OS9: variants seen among roughly 807,000 people sequenced by gnomAD.
The protein encoded by OS9 is OS9 endoplasmic reticulum lectin, also known as protein OS-9.
OS9 carries 58 observed loss-of-function variants against 84.7 expected under a neutral mutation model. That is an observed-to-expected ratio of 0.68 (90% CI 0.55 to 0.85). The LOEUF (loss-of-function observed/expected upper bound fraction) is 0.85, where lower values mean the gene tolerates loss of function less well. Ranked by LOEUF, OS9 falls within the 40% of genes least tolerant of loss-of-function variation. OS9 has a pLI of 0.00. For missense variants in OS9, 760 were observed against 850.9 expected (o/e 0.89, Z 1.33); for synonymous variants, 278 against 320.8 (o/e 0.87, Z 1.43).
chr12:57,705,360 T>C (rs1268005176), intron 5 of OS9, among the ~76,000 whole-genome samples: 1 of 152,192 alleles, frequency 6.6e-6, no homozygotes. Context: ...TTGTCCTATA[T>C]TTTAGTAAAG....
intron 1 of OS9, 88 bp from the exon 2 acceptor site, chr12:57,694,662 C>T: frequency 7.4e-7 from 1 of 1,343,958 alleles, no homozygotes; most frequent in Non-Finnish European, 1.1e-6. Context: ...CTGATCTCTT[C>T]CCCAGGGTTT....
rs1224059943 is a variant in OS9 at position 57,694,170 on chromosome 12, G to T, written c.9G>T (p.Ala3=). ...AAGAAGGGGAACGAAAGATGGCGGC[G>T]GAAACGCTGCTGTCCAGTTTGTTAG... MA[A]ETLLSSLLGL... The change falls in exon 1 of 15, where the codon GCG becomes GCT. Residue 3 remains alanine (A), a synonymous_variant. Transcript: ENST00000315970. 1 of 1,614,124 alleles carries T rather than the reference G, an allele frequency of 6.2e-7. No individual in the cohort carries two copies. Among genetic ancestry groups the T allele is most frequent in the Non-Finnish European group, 8.5e-7 (1 of 1,179,996 alleles).
chr12:57,715,687 A>G (rs1213822019), intron 5 of OS9, 73 bp from the exon 6 acceptor site: 1 of 1,098,860 alleles, frequency 9.1e-7, no homozygotes, highest in African/African-American at 1.6e-5. Flanking sequence ...TGCTTAGTAA[A>G]AGACACCTGC....
At position 57,719,068 on chromosome 12, in the gene OS9, A is replaced by C. The variant is rs751534638; in HGVS notation, c.1486A>C (p.Thr496Pro). 6.2e-7 allele frequency: 1 copy of C among 1,613,636 alleles called. No homozygotes were observed. Among genetic ancestry groups the C allele is most frequent in the African/African-American group, 1.3e-5 (1 of 74,790 alleles). The change falls in exon 12 of 15, where the codon ACT becomes CCT. Residue 496 changes from threonine (T) to proline (P), a missense_variant. Coordinates refer to ENST00000315970, the MANE Select transcript of OS9 (RefSeq NM_006812.4). ...TCGGGCAATGCTGGCTCTCACATCCACTCTCAACAAACTCATCAAAAGACT... is the reference window on the plus strand; with the variant it reads ...TCGGGCAATGCTGGCTCTCACATCCCCTCTCAACAAACTCATCAAAAGACT... ...RDRAMLALTS[T>P]LNKLIKRLEE...
At chr12:57,718,500 A>G in intron 11 of OS9, 79 bp downstream of exon 11, 2 of 1,465,916 alleles carry the variant, frequency 1.4e-6, no homozygotes, top group Non-Finnish European at 9.3e-7. Flanking sequence ...GCTAAAAGAA[A>G]CAGAGGGCAC....
intron 5 of OS9, among the ~76,000 whole-genome samples, chr12:57,700,099 GAAAA>G (rs376559244): frequency 6.7e-6 from 1 of 149,200 alleles, no homozygotes; most frequent in Non-Finnish European, 1.5e-5. Flanking sequence ...TCTCAAAAAA[GAAAA>G]AAAAGAAAAG....
chr12:57,720,285 G>T (rs755469407), intron 13 of OS9, 22 bp downstream of exon 13: 1 of 1,613,356 alleles, frequency 6.2e-7, no homozygotes, highest in Non-Finnish European at 8.5e-7. Context: ...AGGGCGGCTG[G>T]ACCCAGTGCT....
chr12:57,714,397 G>T (rs1181622110), intron 5 of OS9, among the ~76,000 whole-genome samples: 1 of 152,108 alleles, frequency 6.6e-6, no homozygotes, highest in Non-Finnish European at 1.5e-5. Context: ...TAGAGATGGG[G>T]TTTCTCCATG....
intron 5 of OS9, among the ~76,000 whole-genome samples, chr12:57,700,399 G>C (rs1472126292): frequency 2.6e-5 from 4 of 151,842 alleles, no homozygotes; most frequent in Non-Finnish European, 5.9e-5. Flanking sequence ...AAGGTCTAGG[G>C]TCGTAACTGG....
intron 5 of OS9, among the ~76,000 whole-genome samples, chr12:57,704,073 G>GT (rs929629535): frequency 1.3e-5 from 2 of 152,062 alleles, no homozygotes; most frequent in African/African-American, 2.4e-5. Context: ...GATCATTTGG[G>GT]TTTTTTCCCC....
chr12:57,718,824 G>A (rs569976330), intron 11 of OS9, among the ~76,000 whole-genome samples, 169 bp from the exon 12 acceptor site: 20 of 151,426 alleles, frequency 1.3e-4, no homozygotes, highest in South Asian at 4.1e-4. Context: ...AGAATCGCTC[G>A]AACCCGGGAG....
intron 5 of OS9, among the ~76,000 whole-genome samples, chr12:57,712,031 A>G (rs938570983): frequency 6.6e-6 from 1 of 152,226 alleles, no homozygotes; most frequent in East Asian, 1.9e-4. Flanking sequence ...AGAAACTTAA[A>G]AACATATATA....
At chr12:57,716,977 C>T (rs1046915020) in intron 9 of OS9, among the ~76,000 whole-genome samples, 9 of 152,136 alleles carry the variant, frequency 5.9e-5, no homozygotes, top group African/African-American at 1.9e-4. Flanking sequence ...AATTTTCTTA[C>T]CCATAAAATG....
intron 5 of OS9, among the ~76,000 whole-genome samples, chr12:57,713,353 G>A (rs1954386236): frequency 6.6e-6 from 1 of 152,148 alleles, no homozygotes; most frequent in Non-Finnish European, 1.5e-5. Flanking sequence ...AGGAATAATG[G>A]CTTGCTTCAC....
rs1166722841 is a variant in OS9, at chr12:57,716,717, G to C, written c.1018G>C (p.Ala340Pro). ...GGAGCAGGACCCAAGCCCTGAGGCA[G>C]CAGATTCAGCTTCTGGTGCTCCCAA... ...AEEQDPSPEA[A>P]DSASGAPNDF... The change falls in exon 9 of 15, where the codon GCA becomes CCA. Residue 340 changes from alanine (A) to proline (P), a missense_variant. Ala to Pro is a conservative substitution (Grantham distance 27, BLOSUM62 -1). Transcript: ENST00000315970. 6.2e-7 allele frequency: 1 copy of C among 1,613,990 alleles called. No homozygotes were observed. The highest frequency in any genetic ancestry group is 1.7e-5 in the Admixed American group (1 of 60,008).
At position 57,694,751 on chromosome 12, in the gene OS9, G is replaced by A; in HGVS notation, c.164G>A (p.Ser55Asn). 6.2e-7 allele frequency: 1 copy of A among 1,613,488 alleles called. No individual in the cohort carries two copies. The highest frequency in any genetic ancestry group is 8.5e-7 in the Non-Finnish European group (1 of 1,179,928). Residue 55 changes from serine (S) to asparagine (N), a missense_variant and splice_region_variant, in exon 2 of 15, where the codon AGC (serine) becomes AAC (asparagine). Ser to Asn is a conservative substitution (Grantham distance 46). Transcript: ENST00000315970. Reference protein sequence around the residue: ...ILPLPVMGGQSQSSDVVIVSS... With the variant: ...ILPLPVMGGQNQSSDVVIVSS... ...CCCCGACCCTCCCTTCTTTCCCAGA[G>A]CCAATCTTCGGACGTGGTGATTGTC...
chr12:57,721,087 TGGCAGCCACCTTGAGACCTCACC>T lies in OS9; in HGVS notation c.*181_*203del. ...CCTGGGTGAATGCTGCTGCCCCTGCTGGCAGCCACCTTGAGACCTCACCGGGCCTGTGATATTTGCTCTCCTGA... is the reference window on the plus strand; with the variant it reads ...CCTGGGTGAATGCTGCTGCCCCTGCTGGGCCTGTGATATTTGCTCTCCTGA... On this transcript the variant is annotated 3_prime_UTR_variant, in exon 15 of 15. Transcript: ENST00000315970. 3.1e-6 allele frequency: 2 copies of T among 636,718 alleles called. No individual in the cohort carries two copies. The highest frequency in any genetic ancestry group is 5.4e-6 in the Non-Finnish European group (2 of 370,590). The allele number at this position is 636,718 out of a possible 1,614,324, so 39.4% of individuals were successfully genotyped here. A position where few individuals can be genotyped will look rare whatever the true frequency, so the allele number is the denominator to read the frequency against.
At chr12:57,717,334 G>C (rs1018711112) in intron 9 of OS9, among the ~76,000 whole-genome samples, 2 of 152,240 alleles carry the variant, frequency 1.3e-5, no homozygotes, top group African/African-American at 2.4e-5. Context: ...CAGGGACCAT[G>C]TCCTTCCTTG....
At position 57,718,332 on chromosome 12, in the gene OS9, G is replaced by A; in HGVS notation, c.1321G>A (p.Glu441Lys). The A allele has an allele frequency of 1.2e-6, 2 of 1,614,214 alleles. No individual in the cohort carries two copies. The highest frequency in any genetic ancestry group is 1.7e-6 in the Non-Finnish European group (2 of 1,180,042). Residue 441 changes from glutamate (E) to lysine (K), a missense_variant, in exon 11 of 15, where the codon GAA becomes AAA. By Grantham distance (56) the Glu-to-Lys change is moderately conservative. Transcript: ENST00000315970. ...ACTGGGAGAATTTGAGAAGGAACTGGAAGGGATCCTGCTTCCGTCAGACCG... is the reference window on the plus strand; with the variant it reads ...ACTGGGAGAATTTGAGAAGGAACTGAAAGGGATCCTGCTTCCGTCAGACCG... Reference protein sequence around the residue: ...QLLGEFEKELEGILLPSDRDR... With the variant: ...QLLGEFEKELKGILLPSDRDR...
Sources: allele counts gnomAD v4.1 joint callset (sites outside exome capture counted in the v4.1 genomes callset), GRCh38; gene constraint gnomAD v4.1.1; transcripts MANE v1.5; gene names NCBI Gene and HGNC (gene_info 2026-07-23, HGNC 2026-07-21).